The following EPAS1 variants were observed in gnomAD, a reference collection of about 807,000 sequenced individuals.
EPAS1 encodes the protein endothelial PAS domain protein 1, also known as endothelial PAS domain-containing protein 1.
EPAS1 carries 23 observed loss-of-function variants against 87.9 expected under a neutral mutation model. That is an observed-to-expected ratio of 0.26 (90% CI 0.19 to 0.37). The LOEUF is 0.37. Among genes scored for constraint, EPAS1 ranks in the 10% least tolerant of loss-of-function variants. The pLI is 1.00. For synonymous variants in EPAS1, 508 were observed against 444.3 expected (o/e 1.14, Z -1.80); for missense variants, 1,138 against 1,120.7 (o/e 1.02, Z -0.22).
rs181412376 is a variant in EPAS1, at chr2:46,378,138, C to T, written c.1443+51C>T. On this transcript the variant is annotated intron_variant, in intron 10 of 15. Coordinates refer to ENST00000263734, the MANE Select transcript of EPAS1 (RefSeq NM_001430.5). ...CACAGAGAGGGCTCCGTATGTATGA[C>T]TGCTGCCAGATGGCTGAAGGGACAT... 7.6e-4 allele frequency: 1,184 copies of T among 1,548,876 alleles called. 1 individual carries two copies. The highest frequency in any genetic ancestry group is 9.5e-4 in the Non-Finnish European group (1,090 of 1,150,164).
intron 1 of EPAS1, among the ~76,000 whole-genome samples, chr2:46,301,034 G>A (rs1024125454): frequency 3.9e-5 from 6 of 152,144 alleles, no homozygotes; most frequent in African/African-American, 1.4e-4. Flanking sequence ...TACCAGCAGC[G>A]CAGGATGATA....
chr2:46,302,011 A>C (rs1683010532), intron 1 of EPAS1, among the ~76,000 whole-genome samples: 1 of 152,058 alleles, frequency 6.6e-6, no homozygotes, highest in South Asian at 2.1e-4. Context: ...GAGAACATTC[A>C]AGCAGCTGCT....
intron 2 of EPAS1, among the ~76,000 whole-genome samples, chr2:46,353,096 G>A (rs1325134277): frequency 2.6e-5 from 4 of 152,238 alleles, no homozygotes; most frequent in Middle Eastern, 3.4e-3. Flanking sequence ...ATATCTTCTC[G>A]GTTGGCTAGA....
At chr2:46,319,430 C>T (rs752363943) in intron 1 of EPAS1, among the ~76,000 whole-genome samples, 3 of 152,188 alleles carry the variant, frequency 2.0e-5, no homozygotes, top group Admixed American at 1.3e-4. Context: ...TTTAAAAAGG[C>T]ACTCTTTCTT....
chr2:46,380,310 C>T lies in EPAS1; in HGVS notation c.1638C>T (p.Cys546=), dbSNP rs745673705. Residue 546 remains cysteine, a synonymous_variant, in exon 12 of 16, where the codon TGC becomes TGT. Transcript: ENST00000263734. This position sits in a 1 kb window ranked among gnomAD's most constrained non-coding sequence, Gnocchi z 4.4. ...DGEDFQLSPI[C]PEERLLAENP... is the part of the protein sequence containing the mutation. ...AAGACTTCCAGCTAAGCCCCATCTG[C>T]CCCGAGGAGCGGCTCTTGGCGGAGA... 1.9e-6 allele frequency: 3 copies of T among 1,614,102 alleles called. No individual in the cohort carries two copies. The highest frequency in any genetic ancestry group is 2.5e-6 in the Non-Finnish European group (3 of 1,180,008).
intron 1 of EPAS1, among the ~76,000 whole-genome samples, chr2:46,303,068 G>A (rs888602030): frequency 4.6e-5 from 7 of 152,078 alleles, no homozygotes; most frequent in Admixed American, 1.3e-4. Flanking sequence ...GCGAGACAAC[G>A]TCAAAGAAAG....
chr2:46,313,699 C>T (rs1683257489), intron 1 of EPAS1, among the ~76,000 whole-genome samples: 1 of 152,188 alleles, frequency 6.6e-6, no homozygotes. Flanking sequence ...GATCTGCCCG[C>T]CTTGGCCTCC....
intron 1 of EPAS1, among the ~76,000 whole-genome samples, chr2:46,315,578 T>C (rs1031619705): frequency 2.6e-5 from 4 of 152,244 alleles, no homozygotes; most frequent in African/African-American, 9.6e-5. Flanking sequence ...GCTTGTTCAC[T>C]GGAGTTCACA....
chr2:46,370,519 A>G (rs1684606702), intron 7 of EPAS1, among the ~76,000 whole-genome samples: 2 of 152,142 alleles, frequency 1.3e-5, no homozygotes, highest in African/African-American at 2.4e-5. Flanking sequence ...GGAGCTTTAG[A>G]AAAGGCTGTC....
chr2:46,377,975 GC>G lies in EPAS1; in HGVS notation c.1333del (p.His445ThrfsTer52). 1 of 1,572,392 alleles carries G rather than the reference GC, an allele frequency of 6.4e-7. No individual in the cohort carries two copies. Among genetic ancestry groups the G allele is most frequent in the Non-Finnish European group, 8.6e-7 (1 of 1,158,270 alleles). On this transcript the variant is annotated frameshift_variant, in exon 10 of 16. Coordinates refer to ENST00000263734, the MANE Select transcript of EPAS1 (RefSeq NM_001430.5). LOFTEE classifies it high-confidence loss of function. Reference sequence around the variant, plus strand: ...CAGCCATGGGCCACGGAGTTGAGGAGCCACAGCACCCAGAGCGAGGCTGGGA... The same window carrying G: ...CAGCCATGGGCCACGGAGTTGAGGAGCACAGCACCCAGAGCGAGGCTGGGA... Reference protein sequence around the residue: ...PSQPWATELRSHSTQSEAGSL... With the variant: ...PSQPWATELRXHSTQSEAGSL...
rs901252692 is a variant in EPAS1, at chr2:46,385,318, C to A, written c.*658C>A. 6.6e-6 allele frequency: 1 copy of A among 152,438 alleles called. No individual in the cohort carries two copies. Among genetic ancestry groups the A allele is most frequent in the African/African-American group, 2.4e-5 (1 of 41,354 alleles). The allele number at this position is 152,438 out of a possible 1,614,324, so 9.4% of individuals were successfully genotyped here. A position where few individuals can be genotyped will look rare whatever the true frequency, so the allele number is the denominator to read the frequency against. On this transcript the variant is annotated 3_prime_UTR_variant, in exon 16 of 16. Transcript: ENST00000263734. Reference sequence around the variant, plus strand: ...TGGCTTTTCCTAAACTGGTGTTTTTCCCCCGCATTTGGTGGATTTTTTATT... The same window carrying A: ...TGGCTTTTCCTAAACTGGTGTTTTTACCCCGCATTTGGTGGATTTTTTATT...
chr2:46,306,824 A>G (rs1683115716), intron 1 of EPAS1, among the ~76,000 whole-genome samples: 1 of 152,328 alleles, frequency 6.6e-6, no homozygotes, highest in African/African-American at 2.4e-5. Flanking sequence ...ATGAGACACA[A>G]TGTTTTTAGA....
At chr2:46,323,721 A>T (rs1683498461) in intron 1 of EPAS1, among the ~76,000 whole-genome samples, 2 of 152,242 alleles carry the variant, frequency 1.3e-5, no homozygotes, top group African/African-American at 4.8e-5. Flanking sequence ...AAACTCATCA[A>T]GAAAGTAATA....
At chr2:46,378,789 GC>G in intron 11 of EPAS1, 22 bp downstream of exon 11, 20 of 1,590,860 alleles carry the variant, frequency 1.3e-5, no homozygotes, top group Non-Finnish European at 1.7e-5. Flanking sequence ...TGGAGATCAG[GC>G]TAGGGTGTGT....
At chr2:46,299,701 C>T (rs186290084) in intron 1 of EPAS1, among the ~76,000 whole-genome samples, 64 of 152,344 alleles carry the variant, frequency 4.2e-4, no homozygotes, top group African/African-American at 1.5e-3. Flanking sequence ...TCAGCTCCTC[C>T]TGCGCTCCTT....
In EPAS1 at chr2:46,380,841, TTC is replaced by T. The variant is rs958629789; in HGVS notation, c.2045+128_2045+129del. 24 of 1,517,198 alleles carry T rather than the reference TTC, an allele frequency of 1.6e-5. No homozygotes were observed. In the Admixed American group the frequency reaches 4.0e-4, roughly 25 times the overall value. 94.0% of individuals were successfully genotyped at this position (1,517,198 alleles called of 1,614,324 possible). On this transcript the variant is annotated intron_variant, in intron 12 of 15. Coordinates refer to ENST00000263734, the MANE Select transcript of EPAS1 (RefSeq NM_001430.5). This position sits in a 1 kb window ranked among gnomAD's most constrained non-coding sequence, Gnocchi z 4.4. The stretch of plus-strand genomic sequence containing the variant: ...AGCCATCTGATACCCCATTTAGCCC[TTC>T]TCTGAGCTCAGACTTTGGGGAATCA...
intron 9 of EPAS1, among the ~76,000 whole-genome samples, chr2:46,377,491 G>C (rs977727199): frequency 1.3e-5 from 2 of 152,238 alleles, no homozygotes; most frequent in African/African-American, 2.4e-5. Context: ...CAGCTAAAGA[G>C]AATCTGAAAC....
chr2:46,373,067 A>T (rs899611725), intron 7 of EPAS1, among the ~76,000 whole-genome samples: 1 of 152,344 alleles, frequency 6.6e-6, no homozygotes, highest in African/African-American at 2.4e-5. Flanking sequence ...CATGTTGTGT[A>T]GCTCAGACTC....
chr2:46,362,791 T>C (rs1022991800), intron 6 of EPAS1, among the ~76,000 whole-genome samples: 2 of 152,218 alleles, frequency 1.3e-5, no homozygotes, highest in Non-Finnish European at 2.9e-5. Context: ...GTCATTCCTG[T>C]CCTTCAGTTC....
Sources: gnomAD v4.1 joint callset for allele counts (sites outside exome capture counted in the v4.1 genomes callset) on GRCh38, gnomAD v4.1.1 for gene constraint, Gnocchi (gnomAD v3.1) non-coding constraint, MANE v1.5 for transcripts, NCBI Gene and HGNC (gene_info 2026-07-23, HGNC 2026-07-21) for gene names.